NELL1: variants seen among roughly 807,000 people sequenced by gnomAD.
NELL1 encodes the protein protein kinase C-binding protein NELL1.
Under a neutral mutation model 107.4 loss-of-function variants are expected in NELL1, and 76 were observed. The observed-to-expected ratio is 0.71, with a 90% CI of 0.59 to 0.86. The LOEUF (loss-of-function observed/expected upper bound fraction) is 0.86. Among genes scored for constraint, NELL1 ranks in the 40% least tolerant of loss-of-function variants. The pLI is 0.00. For missense variants in NELL1, 1,024 were observed against 1,005.5 expected (o/e 1.02, Z -0.25); for synonymous variants, 353 against 341.2 (o/e 1.03, Z -0.38).
chr11:20,731,912 C>T (rs892870496), intron 2 of NELL1, among the ~76,000 whole-genome samples: 3 of 152,076 alleles, frequency 2.0e-5, no homozygotes, highest in African/African-American at 4.8e-5. Flanking sequence ...TGGCTTTGTC[C>T]TCAGCTGTCT....
rs538328030 is a variant in NELL1 at position 21,229,516 on chromosome 11, G to T, written c.1549+62G>T. On this transcript the variant is annotated intron_variant, in intron 14 of 19. Coordinates refer to ENST00000357134, the MANE Select transcript of NELL1 (RefSeq NM_006157.5). ...CATTCTGCCTGGGCTCTTGGCACTT[G>T]TGCGTCGGACCTTCTTGGTAACTCT... 1.9e-5 allele frequency: 31 copies of T among 1,605,510 alleles called. No homozygotes were observed. In the East Asian group the frequency reaches 5.6e-4, roughly 29 times the overall value.
intron 2 of NELL1, among the ~76,000 whole-genome samples, chr11:20,692,668 T>A (rs1854500041): frequency 6.6e-6 from 1 of 152,020 alleles, no homozygotes; most frequent in Non-Finnish European, 1.5e-5. Context: ...TTATAGTTTC[T>A]GTTCTTTTAC....
chr11:21,105,180 C>A (rs1854919506), intron 12 of NELL1, among the ~76,000 whole-genome samples: 1 of 152,046 alleles, frequency 6.6e-6, no homozygotes, highest in African/African-American at 2.4e-5. Flanking sequence ...CCAAGGAAAT[C>A]AAGGACACAG....
intron 5 of NELL1, among the ~76,000 whole-genome samples, chr11:20,903,849 TAGCAACCGAG>T (rs1849932566): frequency 6.6e-6 from 1 of 152,138 alleles, no homozygotes. Context: ...CAGAGGTTTA[TAGCAACCGAG>T]TGAATGCTGA....
At chr11:20,706,524 TG>T (rs1854961457) in intron 2 of NELL1, among the ~76,000 whole-genome samples, 5 of 24,642 alleles carry the variant, frequency 2.0e-4, no homozygotes, top group Admixed American at 9.0e-4. Context: ...GTTGTGGGGT[TG>T]GGGGGGAGGG....
At chr11:21,041,255 C>T (rs1257930442) in intron 12 of NELL1, among the ~76,000 whole-genome samples, 3 of 152,254 alleles carry the variant, frequency 2.0e-5, no homozygotes, top group Admixed American at 6.5e-5. Flanking sequence ...TAATCTTCCA[C>T]GTCAATAAGG....
chr11:21,179,034 G>A (rs1358773396), intron 13 of NELL1, among the ~76,000 whole-genome samples: 4 of 151,676 alleles, frequency 2.6e-5, no homozygotes, highest in East Asian at 1.9e-4. Flanking sequence ...AAACTTTTTC[G>A]AATGACCTCG....
At chr11:21,151,308 A>T (rs1476599157) in intron 13 of NELL1, among the ~76,000 whole-genome samples, 1 of 152,104 alleles carries the variant, frequency 6.6e-6, no homozygotes, top group East Asian at 1.9e-4. Flanking sequence ...GAAAACCAGG[A>T]TCCTTTACCA....
intron 4 of NELL1, among the ~76,000 whole-genome samples, chr11:20,872,795 A>G (rs1230867240): frequency 9.9e-5 from 15 of 151,506 alleles, no homozygotes; most frequent in African/African-American, 4.9e-5. Flanking sequence ...TCCCTGATAT[A>G]TTTTGTATGG....
chr11:20,960,647 C>G lies in NELL1; in HGVS notation c.1300+87C>G. The G allele has an allele frequency of 2.7e-6, 4 of 1,465,430 alleles. No individual in the cohort carries two copies. The South Asian group carries it at 4.8e-5, about 18-fold the overall frequency. The allele number at this position is 1,465,430 out of a possible 1,614,324, so 90.8% of individuals were successfully genotyped here. A position where few individuals can be genotyped will look rare whatever the true frequency, so the allele number is the denominator to read the frequency against. On this transcript the variant is annotated intron_variant, in intron 12 of 19. Coordinates refer to ENST00000357134, the MANE Select transcript of NELL1 (RefSeq NM_006157.5). ...GATGTGGTTAAAGAGTGAAAACTATCACTTGGCTGTGGTCCTATGCAATCC... is the reference window on the plus strand; with the variant it reads ...GATGTGGTTAAAGAGTGAAAACTATGACTTGGCTGTGGTCCTATGCAATCC...
rs186683989 is a variant in NELL1, at chr11:20,968,047, G to A, written c.1300+7487G>A. ...TTTCCAAATCTGCTTTCCAGGCCTT[G>A]TTCAATATGTAGTTCAAATGCCACT... On this transcript the variant is annotated intron_variant, in intron 12 of 19. Transcript: ENST00000357134. Among the ~76,000 whole-genome samples, 3 of 152,240 alleles carry A rather than the reference G, an allele frequency of 2.0e-5. No individual in the cohort carries two copies. The East Asian group carries it at 5.8e-4, about 29-fold the overall frequency.
At chr11:21,447,837 A>T (rs1410595826) in intron 15 of NELL1, among the ~76,000 whole-genome samples, 1 of 152,114 alleles carries the variant, frequency 6.6e-6, no homozygotes, top group South Asian at 2.1e-4. Flanking sequence ...TGTGGCCTAG[A>T]CAGCACATCA....
intron 16 of NELL1, among the ~76,000 whole-genome samples, chr11:21,535,542 T>A (rs1856115049): frequency 1.3e-5 from 2 of 152,168 alleles, no homozygotes; most frequent in African/African-American, 4.8e-5. Flanking sequence ...GTGGCATGAA[T>A]TATCCCCCAT....
intron 16 of NELL1, among the ~76,000 whole-genome samples, chr11:21,535,213 A>T (rs916009856): frequency 6.6e-6 from 1 of 152,136 alleles, no homozygotes; most frequent in Non-Finnish European, 1.5e-5. Flanking sequence ...TACAACTTTC[A>T]TGAAATCCGA....
intron 15 of NELL1, among the ~76,000 whole-genome samples, chr11:21,425,699 G>T (rs2133827419): frequency 6.6e-6 from 1 of 152,188 alleles, no homozygotes; most frequent in African/African-American, 2.4e-5. Flanking sequence ...CTACTGTAAG[G>T]TGATAGATTT....
At chr11:21,548,449 G>A (rs758972566) in intron 16 of NELL1, among the ~76,000 whole-genome samples, 1 of 151,826 alleles carries the variant, frequency 6.6e-6, no homozygotes, top group Non-Finnish European at 1.5e-5. Context: ...TCAAAATCAC[G>A]GTGGAAGGCA....
At chr11:21,023,476 C>G (rs7122556) in intron 12 of NELL1, among the ~76,000 whole-genome samples, 28,385 of 151,912 alleles carry the variant, frequency 0.19, 5,627 homozygotes, top group African/African-American at 0.51. Context: ...ATATGACTTT[C>G]ATTTTAATTT....
intron 14 of NELL1, among the ~76,000 whole-genome samples, chr11:21,336,454 AG>A (rs1294061180): frequency 4.0e-5 from 6 of 151,886 alleles, no homozygotes; most frequent in Non-Finnish European, 7.4e-5. Flanking sequence ...TTCAGAATCT[AG>A]GTTGTTTCCA....
At chr11:21,388,255 T>C (rs1327832984) in intron 15 of NELL1, among the ~76,000 whole-genome samples, 3 of 151,836 alleles carry the variant, frequency 2.0e-5, no homozygotes, top group Admixed American at 6.6e-5. Flanking sequence ...GGTCACAATA[T>C]GCCTTTTTGA....
Sources: gnomAD v4.1 joint callset for allele counts (sites outside exome capture counted in the v4.1 genomes callset) on GRCh38, gnomAD v4.1.1 for gene constraint, MANE v1.5 for transcripts, NCBI Gene and HGNC (gene_info 2026-07-23, HGNC 2026-07-21) for gene names.